RBFOX1: variants seen among roughly 807,000 people sequenced by gnomAD.
RBFOX1 encodes the protein RNA binding protein fox-1 homolog 1.
RBFOX1 carries 8 observed loss-of-function variants against 57.7 expected under a neutral mutation model. That is an observed-to-expected ratio of 0.14 (90% CI 0.08 to 0.25). The LOEUF (loss-of-function observed/expected upper bound fraction) is 0.25, where lower values mean the gene tolerates loss of function less well. Ranked by LOEUF, RBFOX1 falls within the 10% of genes least tolerant of loss-of-function variation. The pLI is 1.00. For synonymous variants in RBFOX1, 326 were observed against 222.4 expected, an observed-to-expected ratio of 1.47 and a Z score of -4.15; for missense variants, 611 against 548.5, an observed-to-expected ratio of 1.11 and a Z score of -1.14.
intron 4 of RBFOX1, among the ~76,000 whole-genome samples, chr16:7,516,280 C>A (rs150779339): frequency 6.6e-6 from 1 of 152,090 alleles, no homozygotes; most frequent in Non-Finnish European, 1.5e-5. Context: ...TAGGGCTTAA[C>A]GCACTAACGG....
At chr16:7,040,918 G>GT (rs61429660) in intron 3 of RBFOX1, among the ~76,000 whole-genome samples, 6 of 99,574 alleles carry the variant, frequency 6.0e-5, no homozygotes, top group Non-Finnish European at 2.1e-5. Context: ...TTGTTTTTTT[G>GT]TTTTTTTGCT....
At chr16:7,179,636 G>C (rs902059265) in intron 4 of RBFOX1, among the ~76,000 whole-genome samples, 12 of 152,050 alleles carry the variant, frequency 7.9e-5, no homozygotes, top group African/African-American at 2.9e-4. Flanking sequence ...GACCACATAG[G>C]GGGAGATTCC....
chr16:7,224,090 C>T (rs1293525452), intron 4 of RBFOX1, among the ~76,000 whole-genome samples: 3 of 120,164 alleles, frequency 2.5e-5, no homozygotes, highest in Non-Finnish European at 4.8e-5. Context: ...CTGGGTCTTT[C>T]AGGATCTAGA....
rs746327018 is a variant in RBFOX1, at chr16:6,480,395, G to A, written c.-64+163338G>A. Among the ~76,000 whole-genome samples the A allele has an allele frequency of 3.4e-4, 52 of 152,194 alleles. 1 individual carries two copies. The highest frequency in any genetic ancestry group is 3.8e-4 in the Non-Finnish European group (26 of 68,048). ...TCCGCATTTGCAGATGAAGGCAGTC[G>A]TAGCAACCCATAAACAAATGGGCAT... On this transcript the variant is annotated intron_variant, in intron 2 of 15. Coordinates refer to ENST00000550418, the MANE Select transcript of RBFOX1 (RefSeq NM_018723.4).
chr16:7,187,851 G>A (rs1260600621), intron 4 of RBFOX1, among the ~76,000 whole-genome samples: 2 of 151,902 alleles, frequency 1.3e-5, no homozygotes, highest in East Asian at 3.9e-4. Flanking sequence ...ATAGAAAATT[G>A]CCTAATTTAT....
chr16:6,739,221 C>G (rs1289265826), intron 3 of RBFOX1, among the ~76,000 whole-genome samples: 3 of 150,084 alleles, frequency 2.0e-5, no homozygotes, highest in African/African-American at 4.9e-5. Context: ...AAATGGCAAA[C>G]TTCTAGTAGG....
intron 4 of RBFOX1, among the ~76,000 whole-genome samples, chr16:5,983,634 C>T (rs1320594662): frequency 6.6e-6 from 1 of 152,162 alleles, no homozygotes; most frequent in Non-Finnish European, 1.5e-5. Flanking sequence ...AAACCAACTT[C>T]ATTTCTGACT....
At chr16:5,973,400 T>C (rs1567207996) in intron 4 of RBFOX1, among the ~76,000 whole-genome samples, 1 of 152,208 alleles carries the variant, frequency 6.6e-6, no homozygotes, top group Admixed American at 6.5e-5. Flanking sequence ...AAACTCATCA[T>C]AGTTAGTATG....
At chr16:5,389,912 G>A (rs1314994838) in intron 1 of RBFOX1, among the ~76,000 whole-genome samples, 1 of 151,996 alleles carries the variant, frequency 6.6e-6, no homozygotes, top group Admixed American at 6.6e-5. Context: ...TGCCCAGGCT[G>A]GTCTTGAACT....
At chr16:5,949,809 A>G (rs1321999081) in intron 4 of RBFOX1, among the ~76,000 whole-genome samples, 1 of 152,202 alleles carries the variant, frequency 6.6e-6, no homozygotes, top group African/African-American at 2.4e-5. Flanking sequence ...CTATTGAATC[A>G]GAAACTCTGG....
chr16:6,356,157 C>G (rs2087279226), intron 2 of RBFOX1, among the ~76,000 whole-genome samples: 1 of 152,190 alleles, frequency 6.6e-6, no homozygotes, highest in Non-Finnish European at 1.5e-5. Flanking sequence ...AGCCTTCATC[C>G]TTGAAGAGGT....
At chr16:6,943,513 C>T (rs990695937) in intron 3 of RBFOX1, among the ~76,000 whole-genome samples, 1 of 152,018 alleles carries the variant, frequency 6.6e-6, no homozygotes, top group African/African-American at 2.4e-5. Context: ...TTGAGACCAT[C>T]CTGACTAACA....
chr16:5,340,937 A>G (rs1031328051), intron 1 of RBFOX1, among the ~76,000 whole-genome samples: 3 of 152,138 alleles, frequency 2.0e-5, no homozygotes, highest in African/African-American at 7.2e-5. Context: ...GCTACTGTAG[A>G]AAAGGGGTTC....
intron 3 of RBFOX1, among the ~76,000 whole-genome samples, chr16:5,741,421 A>G (rs2052765577): frequency 6.6e-6 from 1 of 152,164 alleles, no homozygotes; most frequent in Non-Finnish European, 1.5e-5. Context: ...AAATGTCCTC[A>G]TTAAAGTGGA....
At chr16:5,690,656 G>A (rs554315225) in intron 3 of RBFOX1, among the ~76,000 whole-genome samples, 11 of 152,208 alleles carry the variant, frequency 7.2e-5, no homozygotes, top group African/African-American at 2.6e-4. Context: ...AAATCTTAAC[G>A]GAAGATTTAG....
chr16:7,238,722 C>G (rs1261850877), intron 4 of RBFOX1, among the ~76,000 whole-genome samples: 1 of 152,122 alleles, frequency 6.6e-6, no homozygotes, highest in Non-Finnish European at 1.5e-5. Context: ...GTTTGTTGTG[C>G]AGATTATTTC....
At chr16:5,266,334 C>T (rs2062856486) in intron 1 of RBFOX1, among the ~76,000 whole-genome samples, 2 of 152,080 alleles carry the variant, frequency 1.3e-5, no homozygotes, top group South Asian at 4.2e-4. Context: ...TACAGGCAAC[C>T]ACCAGTGTCC....
At chr16:6,727,305 A>C (rs1257006109) in intron 3 of RBFOX1, among the ~76,000 whole-genome samples, 1 of 152,086 alleles carries the variant, frequency 6.6e-6, no homozygotes, top group African/African-American at 2.4e-5. Context: ...CATTTCTTTC[A>C]GTAGAAAAAA....
At chr16:7,373,918 G>T (rs181448333) in intron 4 of RBFOX1, among the ~76,000 whole-genome samples, 1 of 152,256 alleles carries the variant, frequency 6.6e-6, no homozygotes, top group Admixed American at 6.5e-5. Context: ...TATAACTTAG[G>T]CTCCTCGTAG....
Sources: gnomAD v4.1 joint callset for allele counts (sites outside exome capture counted in the v4.1 genomes callset) on GRCh38, gnomAD v4.1.1 for gene constraint, MANE v1.5 for transcripts, NCBI Gene and HGNC (gene_info 2026-07-23, HGNC 2026-07-21) for gene names.